The following CECR2 variants were observed in gnomAD, a reference collection of about 807,000 sequenced individuals.
The protein encoded by CECR2 is chromatin remodeling regulator CECR2.
CECR2 carries 30 observed loss-of-function variants against 154.5 expected under a neutral mutation model. The observed-to-expected ratio is 0.19, with a 90% CI of 0.15 to 0.26. The LOEUF (loss-of-function observed/expected upper bound fraction) is 0.26, where lower values mean the gene tolerates loss of function less well. Among genes scored for constraint, CECR2 ranks in the 10% least tolerant of loss-of-function variants. The probability of loss-of-function intolerance (pLI) is 1.00; values close to 1 mark genes in which losing one functional copy is unlikely to be tolerated. For missense variants in CECR2, 1,743 were observed against 1,829.3 expected (o/e 0.95, Z 0.86); for synonymous variants, 725 against 683.7 (o/e 1.06, Z -0.94).
chr22:17,542,530 C>G lies in CECR2; in HGVS notation c.2387C>G (p.Pro796Arg), dbSNP rs552193684. 2 of 1,613,996 alleles carry G rather than the reference C, an allele frequency of 1.2e-6. No individual in the cohort carries two copies. Among genetic ancestry groups the G allele is most frequent in the East Asian group, 2.2e-5 (1 of 44,880 alleles). The part of the protein sequence containing the change: ...LGPDEKPHLG[P>R]GPSHQPRTLG... ...CCAGATGAGAAGCCCCACCTGGGGC[C>G]AGGACCCTCTCACCAGCCTCGCACT... Residue 796 changes from proline (P) to arginine (R), a missense_variant, in exon 16 of 19, where the codon CCA (proline) becomes CGA (arginine). Pro to Arg is a moderately radical substitution (Grantham distance 103). This residue lies in a region of CECR2 where 1,250 missense variants were observed against 1,192.1 expected (regional missense o/e 1.05). Coordinates refer to ENST00000262608, the MANE Select transcript of CECR2 (RefSeq NM_001290047.2).
intron 1 of CECR2, among the ~76,000 whole-genome samples, chr22:17,457,562 C>T (rs1294873345): frequency 6.6e-6 from 1 of 152,208 alleles, no homozygotes; most frequent in Non-Finnish European, 1.5e-5. Context: ...TCCATTTTGT[C>T]CACTGTATCC....
chr22:17,414,994 A>G (rs1201883081), intron 1 of CECR2, among the ~76,000 whole-genome samples: 1 of 152,182 alleles, frequency 6.6e-6, no homozygotes, highest in East Asian at 1.9e-4. Flanking sequence ...TGTAAAATAT[A>G]TGATATACAT....
At chr22:17,467,810 T>A (rs1024646201) in intron 1 of CECR2, among the ~76,000 whole-genome samples, 3 of 147,610 alleles carry the variant, frequency 2.0e-5, no homozygotes, top group African/African-American at 4.9e-5. Context: ...AGAGAGAGAG[T>A]GGAGACTAAA....
At chr22:17,381,759 T>C (rs1435540136) in intron 1 of CECR2, among the ~76,000 whole-genome samples, 1 of 152,092 alleles carries the variant, frequency 6.6e-6, no homozygotes, top group Non-Finnish European at 1.5e-5. Flanking sequence ...ATAGGGAATA[T>C]AATTGCTGTA....
At chr22:17,454,311 C>G (rs1262685752) in intron 1 of CECR2, among the ~76,000 whole-genome samples, 2 of 150,864 alleles carry the variant, frequency 1.3e-5, no homozygotes, top group East Asian at 3.9e-4. Context: ...AAACCTGCAG[C>G]TGGCCAGGCG....
At chr22:17,367,743 G>C (rs1383384632), upstream of CECR2, among the ~76,000 whole-genome samples, 1 of 152,210 alleles carries the variant, frequency 6.6e-6, no homozygotes, top group East Asian at 1.9e-4. Context: ...AAAAGACGGA[G>C]AAGCAAGTCC....
At chr22:17,522,630 C>T (rs1298222663) in intron 8 of CECR2, among the ~76,000 whole-genome samples, 3 of 152,166 alleles carry the variant, frequency 2.0e-5, no homozygotes, top group African/African-American at 7.2e-5. Context: ...TTTGTCCCTC[C>T]TGTTCATTCC....
intron 2 of CECR2, among the ~76,000 whole-genome samples, chr22:17,486,223 A>T (rs1241223440): frequency 6.6e-6 from 1 of 152,228 alleles, no homozygotes; most frequent in Non-Finnish European, 1.5e-5. Flanking sequence ...ATCATCAAGT[A>T]CAGTTTATTT....
chr22:17,414,841 C>T (rs1356353592), intron 1 of CECR2, among the ~76,000 whole-genome samples: 1 of 152,096 alleles, frequency 6.6e-6, no homozygotes, highest in Non-Finnish European at 1.5e-5. Context: ...CTAGTACCCC[C>T]CAGAGCCTGT....
intron 9 of CECR2, among the ~76,000 whole-genome samples, chr22:17,524,701 T>TC (rs2056227820): frequency 1.2e-5 from 1 of 86,530 alleles, no homozygotes; most frequent in African/African-American, 5.5e-5. Flanking sequence ...CCTTTTTTTT[T>TC]TTTTTTTTTT....
intron 1 of CECR2, among the ~76,000 whole-genome samples, chr22:17,452,353 C>T (rs1418555374): frequency 2.0e-5 from 3 of 152,290 alleles, no homozygotes; most frequent in Non-Finnish European, 4.4e-5. Flanking sequence ...GGATTACAGG[C>T]GTGAGCTGCC....
rs139331571 is a variant in CECR2, at chr22:17,363,986, G to T, written c.-364+3963G>T. On this transcript the variant is annotated intron_variant, in intron 1 of 18. Transcript: ENST00000400585. ...TGGTGTATAGCCCTCTTTGGGAATAGGGAGTTATGGAATGCAGCTCCTTAA... is the reference window on the plus strand; with the variant it reads ...TGGTGTATAGCCCTCTTTGGGAATATGGAGTTATGGAATGCAGCTCCTTAA... Among the ~76,000 whole-genome samples, 11 of 152,140 alleles carry T rather than the reference G, an allele frequency of 7.2e-5. No individual in the cohort carries two copies. In the East Asian group the frequency reaches 2.1e-3, roughly 29 times the overall value.
At chr22:17,453,389 T>TC (rs1309335272) in intron 1 of CECR2, among the ~76,000 whole-genome samples, 1 of 151,900 alleles carries the variant, frequency 6.6e-6, no homozygotes, top group Non-Finnish European at 1.5e-5. Context: ...TTGTGGTGAG[T>TC]CGAGATTGCG....
intron 1 of CECR2, among the ~76,000 whole-genome samples, chr22:17,429,749 T>C (rs1399846236): frequency 2.0e-5 from 3 of 152,050 alleles, no homozygotes; most frequent in Non-Finnish European, 4.4e-5. Context: ...TTACAGCTTA[T>C]TATAAGGAAA....
rs869050391 is a variant in CECR2 at position 17,482,115 on chromosome 22, C to CAA, written c.221+4458_221+4459dup. Among the ~76,000 whole-genome samples the CAA allele has an allele frequency of 2.6e-3, 201 of 76,278 alleles. 5 individuals are homozygous for CAA. The highest frequency in any genetic ancestry group is 7.6e-3 in the East Asian group (15 of 1,980). 50.0% of individuals were successfully genotyped at this position (76,278 alleles called of 152,430 possible). ...GGGTGACAGATCGAGACTCTGTCTC[C>CAA]AAAAAAAAAAAAAAAAAAAAAAAAA... On this transcript the variant is annotated intron_variant, in intron 2 of 18. Coordinates refer to ENST00000262608, the MANE Select transcript of CECR2 (RefSeq NM_001290047.2).
intron 1 of CECR2, among the ~76,000 whole-genome samples, chr22:17,444,488 G>A (rs5747149): frequency 0.16 from 24,646 of 151,940 alleles, 2,428 homozygotes; most frequent in African/African-American, 0.27. Context: ...ATTAGGCGAC[G>A]TGGTGGTGCA....
At chr22:17,527,451 C>T (rs897159537) in intron 9 of CECR2, among the ~76,000 whole-genome samples, 1 of 151,754 alleles carries the variant, frequency 6.6e-6, no homozygotes, top group East Asian at 1.9e-4. Flanking sequence ...GAGCGAGACC[C>T]TGTCTCAAAA....
chr22:17,399,416 A>AT (rs67470861), intron 1 of CECR2, among the ~76,000 whole-genome samples: 8,882 of 126,328 alleles, frequency 0.07, 482 homozygotes, highest in East Asian at 0.17. Context: ...AGTAATGGTG[A>AT]TTTTTTTTTT....
Position 17,541,864 on chromosome 22 carries a change from G to A in CECR2, c.1910G>A (p.Gly637Asp). 5 of 1,613,820 alleles carry A rather than the reference G, an allele frequency of 3.1e-6. No homozygotes were observed. Among genetic ancestry groups the A allele is most frequent in the Non-Finnish European group, 4.2e-6 (5 of 1,179,828 alleles). Residue 637 changes from glycine to aspartate, a missense_variant, in exon 15 of 19, where the codon GGC becomes GAC. Physicochemically the swap from Gly to Asp is moderately conservative, Grantham distance 94. Coordinates refer to ENST00000262608, the MANE Select transcript of CECR2 (RefSeq NM_001290047.2). ...AGGCCAGCAGTACCAGGAACATTTG[G>A]CCCTCTGCGAGGATCAGATCCTGCC... is the stretch of plus-strand genomic sequence containing the variant. The part of the protein sequence containing the change: ...QMRPAVPGTF[G>D]PLRGSDPATL...
Sources: allele counts gnomAD v4.1 joint callset (sites outside exome capture counted in the v4.1 genomes callset), GRCh38; gene constraint gnomAD v4.1.1; regional missense constraint gnomAD v4.1.1; transcripts MANE v1.5; gene names NCBI Gene and HGNC (gene_info 2026-07-23, HGNC 2026-07-21).